CPPED1: variants seen among roughly 807,000 people sequenced by gnomAD.
CPPED1 encodes serine/threonine-protein phosphatase CPPED1.
CPPED1 carries 28 observed loss-of-function variants against 28.0 expected under a neutral mutation model. That is an observed-to-expected ratio of 1.00 (90% CI 0.74 to 1.37). The LOEUF is 1.37. Among genes scored for constraint, CPPED1 ranks in the 40% most tolerant of loss-of-function variants. The pLI, the probability that CPPED1 is intolerant of heterozygous loss-of-function variation, is 0.00. For missense variants in CPPED1, 504 were observed against 416.5 expected (o/e 1.21, Z -1.83); for synonymous variants, 198 against 180.2 (o/e 1.10, Z -0.79).
chr16:12,739,657 T>G (rs918832725), intron 2 of CPPED1, among the ~76,000 whole-genome samples: 7 of 152,154 alleles, frequency 4.6e-5, no homozygotes, highest in Admixed American at 2.0e-4. Flanking sequence ...GGCTAACCTC[T>G]CTCTCATTTC....
At chr16:12,687,004 C>G (rs1326897538) in intron 3 of CPPED1, among the ~76,000 whole-genome samples, 1 of 152,018 alleles carries the variant, frequency 6.6e-6, no homozygotes, top group Non-Finnish European at 1.5e-5. Context: ...TCTGATGGGG[C>G]CTGTGAGCTA....
rs1270025475 is a variant in CPPED1, at chr16:12,688,388, A to G, written c.715+16236T>C. Among the ~76,000 whole-genome samples the G allele has an allele frequency of 7.0e-5, 10 of 142,218 alleles. No individual in the cohort carries two copies. In the Admixed American group the frequency reaches 7.4e-4, roughly 11 times the overall value. 93.3% of individuals were successfully genotyped at this position (142,218 alleles called of 152,430 possible). A position where few individuals can be genotyped will look rare whatever the true frequency, so the allele number is the denominator to read the frequency against. The stretch of plus-strand genomic sequence containing the variant: ...CGCTCTGTCACCCAGGCTGGAGTGC[A>G]GTGGCAAAATTTTCGCTCATTGCAA... On this transcript the variant is annotated intron_variant, in intron 3 of 3. Coordinates refer to ENST00000381774, the MANE Select transcript of CPPED1 (RefSeq NM_018340.3).
chr16:12,803,849 G>A lies in CPPED1; in HGVS notation c.-73C>T, dbSNP rs2080677238. ...CCGCGCGACTTCACACAGAACAACC[G>A]CTGGACCTGTCCCGCTTTGGGCGAC... On this transcript the variant is annotated 5_prime_UTR_variant, in exon 1 of 4. Transcript: ENST00000381774. 6 of 1,402,768 alleles carry A rather than the reference G, an allele frequency of 4.3e-6. No individual in the cohort carries two copies. Among genetic ancestry groups the A allele is most frequent in the South Asian group, 1.3e-5 (1 of 77,166 alleles). The allele number at this position is 1,402,768 out of a possible 1,614,324, so 86.9% of individuals were successfully genotyped here.
intron 3 of CPPED1, among the ~76,000 whole-genome samples, chr16:12,683,503 C>T (rs549798837): frequency 3.3e-5 from 5 of 152,284 alleles, no homozygotes; most frequent in Admixed American, 6.5e-5. Flanking sequence ...TCCTAGGCTT[C>T]GTGGACCTCT....
intron 2 of CPPED1, chr16:12,752,968 C>T (rs2080340079): frequency 6.6e-6 from 1 of 151,528 alleles, no homozygotes; most frequent in African/African-American, 2.4e-5. Context: ...TAGCCATAAA[C>T]TCCAAACTCT....
chr16:12,768,176 C>T (rs537297008), intron 2 of CPPED1, among the ~76,000 whole-genome samples: 18 of 152,292 alleles, frequency 1.2e-4, no homozygotes, highest in Middle Eastern at 3.4e-3. Context: ...CTTTCTGTTT[C>T]GCCCTGCGGT....
intron 2 of CPPED1, among the ~76,000 whole-genome samples, chr16:12,745,228 A>T (rs2080279442): frequency 6.6e-6 from 1 of 152,196 alleles, no homozygotes; most frequent in African/African-American, 2.4e-5. Context: ...AATCTCTTCA[A>T]ATATGATGCG....
chr16:12,759,997 CTT>C (rs2080399021), intron 2 of CPPED1, among the ~76,000 whole-genome samples: 1 of 152,206 alleles, frequency 6.6e-6, no homozygotes, highest in African/African-American at 2.4e-5. Context: ...CTTGTTCTGT[CTT>C]TTCTAAATGA....
At chr16:12,744,297 A>AAGCAAGC (rs1567293033) in intron 2 of CPPED1, among the ~76,000 whole-genome samples, 33 of 130,272 alleles carry the variant, frequency 2.5e-4, no homozygotes, top group Middle Eastern at 3.6e-3. Flanking sequence ...AGAGAGAGAG[A>AAGCAAGC]AAGCAAGCAA....
intron 3 of CPPED1, among the ~76,000 whole-genome samples, chr16:12,702,201 TATGATG>T (rs2080024233): frequency 1.3e-5 from 2 of 151,970 alleles, no homozygotes; most frequent in Non-Finnish European, 2.9e-5. Context: ...GCATCATGGA[TATGATG>T]CCACCCTGTA....
At chr16:12,711,063 G>C (rs2080077436) in intron 2 of CPPED1, among the ~76,000 whole-genome samples, 1 of 152,162 alleles carries the variant, frequency 6.6e-6, no homozygotes, top group African/African-American at 2.4e-5. Flanking sequence ...ATTCACAATA[G>C]CTTAAACATG....
intron 1 of CPPED1, among the ~76,000 whole-genome samples, chr16:12,794,991 G>C (rs538584094): frequency 6.6e-6 from 1 of 152,204 alleles, no homozygotes; most frequent in Non-Finnish European, 1.5e-5. Flanking sequence ...GTTAAAGAGG[G>C]GAAAAGACAT....
intron 3 of CPPED1, among the ~76,000 whole-genome samples, chr16:12,672,386 T>C (rs960808921): frequency 6.6e-6 from 1 of 152,194 alleles, no homozygotes; most frequent in Non-Finnish European, 1.5e-5. Flanking sequence ...ACAGTACCGT[T>C]AGTAATGTTT....
intron 2 of CPPED1, among the ~76,000 whole-genome samples, chr16:12,720,852 T>C (rs528184666): frequency 2.0e-5 from 3 of 152,234 alleles, no homozygotes; most frequent in Admixed American, 6.5e-5. Context: ...AAATTATATG[T>C]TATTAGGATA....
At chr16:12,719,560 T>C (rs1231670613) in intron 2 of CPPED1, among the ~76,000 whole-genome samples, 6 of 152,160 alleles carry the variant, frequency 3.9e-5, no homozygotes, top group Non-Finnish European at 5.9e-5. Flanking sequence ...GACGGAAAGA[T>C]TGACTTACCA....
chr16:12,712,759 C>T (rs539967916), intron 2 of CPPED1, among the ~76,000 whole-genome samples: 3 of 152,006 alleles, frequency 2.0e-5, no homozygotes, highest in East Asian at 1.9e-4. Flanking sequence ...AATAAATCTA[C>T]GAGTTGGTAT....
chr16:12,667,522 G>A (rs945303220), intron 3 of CPPED1, among the ~76,000 whole-genome samples: 15 of 152,284 alleles, frequency 9.9e-5, no homozygotes, highest in African/African-American at 3.6e-4. Context: ...GAGAGGCTGA[G>A]GTGCAAGAAT....
intron 2 of CPPED1, among the ~76,000 whole-genome samples, chr16:12,769,376 T>A (rs557806325): frequency 1.3e-5 from 2 of 152,226 alleles, no homozygotes; most frequent in East Asian, 1.9e-4. Flanking sequence ...ATCCAGGGGC[T>A]TCAGCAACTT....
At chr16:12,699,422 T>G (rs2080008536) in intron 3 of CPPED1, among the ~76,000 whole-genome samples, 1 of 152,046 alleles carries the variant, frequency 6.6e-6, no homozygotes, top group African/African-American at 2.4e-5. Flanking sequence ...CAGGCTTCGA[T>G]TCACACAGCA....
Sources: gnomAD v4.1 joint callset for allele counts (sites outside exome capture counted in the v4.1 genomes callset) on GRCh38, gnomAD v4.1.1 for gene constraint, MANE v1.5 for transcripts, NCBI Gene and HGNC (gene_info 2026-07-23, HGNC 2026-07-21) for gene names.